ZBTB22: variants seen among roughly 807,000 people sequenced by gnomAD.
ZBTB22 encodes zinc finger and BTB domain containing 22, also known as zinc finger and BTB domain-containing protein 22.
For synonymous variants in ZBTB22, 356 were observed against 347.3 expected (o/e 1.03, Z -0.28); for missense variants, 668 against 834.1 (o/e 0.80, Z 2.45).
rs770285596 is a variant in ZBTB22 at position 33,316,595 on chromosome 6, C to T, written c.322G>A (p.Val108Ile). The change falls in exon 2 of 2, where the codon GTC becomes ATC. Residue 108 changes from valine to isoleucine, a missense_variant. Val to Ile is a conservative substitution (Grantham distance 29). Coordinates refer to ENST00000431845, the MANE Select transcript of ZBTB22 (RefSeq NM_005453.5). The surrounding 1 kb of genome is among the most constrained non-coding windows in gnomAD (Gnocchi z 7.2). ...SVMDPGAFETVLASAYTGRLS... is the reference protein window; with the variant it reads ...SVMDPGAFETILASAYTGRLS... ...CGGCCAGTGTAAGCGGAGGCTAGGA[C>T]AGTCTCAAAGGCGCCTGGGTCCATG... 1.9e-6 allele frequency: 3 copies of T among 1,614,230 alleles called. No individual in the cohort carries two copies. Among genetic ancestry groups the T allele is most frequent in the South Asian group, 1.1e-5 (1 of 91,086 alleles).
In ZBTB22 at chr6:33,315,896, CT is replaced by C. The variant is rs1769832960; in HGVS notation, c.1020del (p.Gly342ValfsTer17). On this transcript the variant is annotated frameshift_variant, in exon 2 of 2. Coordinates refer to ENST00000431845, the MANE Select transcript of ZBTB22 (RefSeq NM_005453.5). LOFTEE classifies it low-confidence loss of function (END_TRUNC). This position sits in a 1 kb window ranked among gnomAD's most constrained non-coding sequence, Gnocchi z 5.4. ...CCCACTGGAACCCTGGAGCTACCCC[CT>C]AGTTCTTCATCTTCATCATCCTCAC... ...LTCEDDEDEELGGSSRVPVGG... is the reference protein window; with the variant it reads ...LTCEDDEDEEXGGSSRVPVGG... The C allele has an allele frequency of 6.2e-7, 1 of 1,613,864 alleles. No homozygotes were observed. Among genetic ancestry groups the C allele is most frequent in the Admixed American group, 1.7e-5 (1 of 59,984 alleles).
In ZBTB22 at chr6:33,314,424, A is replaced by T; in HGVS notation, c.*588T>A. On this transcript the variant is annotated 3_prime_UTR_variant, in exon 2 of 2. Transcript: ENST00000431845. ...GGGTTATCGGGAAGCCAAGTAAATG[A>T]CCAATAAATATTTTAATCACTGTTA... The T allele has an allele frequency of 3.1e-6, 1 of 325,228 alleles. No homozygotes were observed. Among genetic ancestry groups the T allele is most frequent in the Non-Finnish European group, 5.7e-6 (1 of 175,260 alleles). The allele number at this position is 325,228 out of a possible 1,614,324, so 20.1% of individuals were successfully genotyped here.
chr6:33,316,123 C>T lies in ZBTB22; in HGVS notation c.794G>A (p.Cys265Tyr). ...GKLLLEADEL[C>Y]DDGGDGRGAV... ...CCCCCTCCCATCCCCACCATCATCG[C>T]ACAGCTCATCTGCCTCCAGCAGCAG... Residue 265 changes from cysteine (C) to tyrosine (Y), a missense_variant, in exon 2 of 2, where the codon TGC (cysteine) becomes TAC (tyrosine). By Grantham distance (194) the Cys-to-Tyr change is radical (BLOSUM62 -2). Coordinates refer to ENST00000431845, the MANE Select transcript of ZBTB22 (RefSeq NM_005453.5). This position sits in a 1 kb window ranked among gnomAD's most constrained non-coding sequence, Gnocchi z 7.2. 1 of 1,613,590 alleles carries T rather than the reference C, an allele frequency of 6.2e-7. No homozygotes were observed. The highest frequency in any genetic ancestry group is 8.5e-7 in the Non-Finnish European group (1 of 1,180,012).
Position 33,315,315 on chromosome 6 carries a change from C to T in ZBTB22, c.1602G>A (p.Thr534=), listed in dbSNP as rs1039206271. ...ACTCGTAGGGCTTGAGACCTGTGTG[C>T]GTCTTCATGTGCTCAGTCAGATGGT... is the stretch of plus-strand genomic sequence containing the variant. ...MKHHLTEHMK[T]HTGLKPYECG... Residue 534 remains threonine, a synonymous_variant, in exon 2 of 2, where the codon ACG becomes ACA. Transcript: ENST00000431845. The surrounding 1 kb of genome is among the most constrained non-coding windows in gnomAD (Gnocchi z 5.4). 1.2e-6 allele frequency: 2 copies of T among 1,614,136 alleles called. No homozygotes were observed. Among genetic ancestry groups the T allele is most frequent in the African/African-American group, 1.3e-5 (1 of 75,056 alleles).
At position 33,316,101 on chromosome 6, in the gene ZBTB22, C is replaced by T; in HGVS notation, c.816G>A (p.Arg272=). ...GCCCAGCCCCAGGAACCACTGCCCC[C>T]CTCCCATCCCCACCATCATCGCACA... ...DELCDDGGDG[R]GAVVPGAGLR... Residue 272 remains arginine (R), a synonymous_variant, in exon 2 of 2, where the codon AGG becomes AGA. Transcript: ENST00000431845. This position sits in a 1 kb window ranked among gnomAD's most constrained non-coding sequence, Gnocchi z 7.2. 1 of 1,613,362 alleles carries T rather than the reference C, an allele frequency of 6.2e-7. No individual in the cohort carries two copies. Among genetic ancestry groups the T allele is most frequent in the Non-Finnish European group, 8.5e-7 (1 of 1,179,978 alleles).
In ZBTB22 at chr6:33,317,312, G is replaced by T. The variant is rs376076499; in HGVS notation, c.-69-327C>A. Among the ~76,000 whole-genome samples the T allele has an allele frequency of 2.3e-4, 35 of 152,252 alleles. No individual in the cohort carries two copies. The South Asian group carries it at 5.2e-3, about 23-fold the overall frequency. On this transcript the variant is annotated intron_variant, in intron 1 of 1. Coordinates refer to ENST00000431845, the MANE Select transcript of ZBTB22 (RefSeq NM_005453.5). ...TACCCTATTTCCGACTTACCTGAGA[G>T]CCTGACATTCCAAAATCTACCTTTT... is the stretch of plus-strand genomic sequence containing the variant.
rs1315684684 is a variant in ZBTB22, at chr6:33,317,646, C to T, written c.-70+7G>A. The T allele has an allele frequency of 2.2e-5, 3 of 137,314 alleles. No individual in the cohort carries two copies. The highest frequency in any genetic ancestry group is 2.2e-4 in the Admixed American group (3 of 13,940). 8.5% of individuals were successfully genotyped at this position (137,314 alleles called of 1,614,324 possible). A position where few individuals can be genotyped will look rare whatever the true frequency, so the allele number is the denominator to read the frequency against. On this transcript the variant is annotated splice_region_variant and intron_variant, in intron 1 of 1. Transcript: ENST00000431845. Reference sequence around the variant, plus strand: ...GGCGCCCCCCAACCTCGCGCGTCCCCGCTTACCGGGCCGCGCGCCCCCGGG... The same window carrying T: ...GGCGCCCCCCAACCTCGCGCGTCCCTGCTTACCGGGCCGCGCGCCCCCGGG...
At position 33,315,322 on chromosome 6, in the gene ZBTB22, A is replaced by G; in HGVS notation, c.1595T>C (p.Met532Thr). The change falls in exon 2 of 2, where the codon ATG (methionine) becomes ACG (threonine). Residue 532 changes from methionine to threonine, a missense_variant. Transcript: ENST00000431845. The surrounding 1 kb of genome is among the most constrained non-coding windows in gnomAD (Gnocchi z 5.4). ...FKMKHHLTEHMKTHTGLKPYE... is the reference protein window; with the variant it reads ...FKMKHHLTEHTKTHTGLKPYE... ...GGGCTTGAGACCTGTGTGCGTCTTCATGTGCTCAGTCAGATGGTGCTTCAT... is the reference window on the plus strand; with the variant it reads ...GGGCTTGAGACCTGTGTGCGTCTTCGTGTGCTCAGTCAGATGGTGCTTCAT... 1 of 1,614,130 alleles carries G rather than the reference A, an allele frequency of 6.2e-7. No individual in the cohort carries two copies. Among genetic ancestry groups the G allele is most frequent in the Non-Finnish European group, 8.5e-7 (1 of 1,180,032 alleles).
In ZBTB22 at chr6:33,315,156, C is replaced by G; in HGVS notation, c.1761G>C (p.Pro587=). 6.2e-7 allele frequency: 1 copy of G among 1,613,252 alleles called. No individual in the cohort carries two copies. The highest frequency in any genetic ancestry group is 8.5e-7 in the Non-Finnish European group (1 of 1,179,488). The change falls in exon 2 of 2, where the codon CCG becomes CCC. Residue 587 remains proline (P), a synonymous_variant. Coordinates refer to ENST00000431845, the MANE Select transcript of ZBTB22 (RefSeq NM_005453.5). The surrounding 1 kb of genome is among the most constrained non-coding windows in gnomAD (Gnocchi z 5.4). ...GPGTPTGPSL[P]SKRESPGVGG... is the part of the protein sequence containing the mutation. ...CCACTCCGGGAGACTCTCTCTTGGACGGCAAGGATGGCCCCGTGGGAGTCC... is the reference window on the plus strand; with the variant it reads ...CCACTCCGGGAGACTCTCTCTTGGAGGGCAAGGATGGCCCCGTGGGAGTCC...
rs368190991 is a variant in ZBTB22 at position 33,316,755 on chromosome 6, G to A, written c.162C>T (p.Gly54=). Residue 54 remains glycine (G), a synonymous_variant, in exon 2 of 2, where the codon GGC becomes GGT. Coordinates refer to ENST00000431845, the MANE Select transcript of ZBTB22 (RefSeq NM_005453.5). This position sits in a 1 kb window ranked among gnomAD's most constrained non-coding sequence, Gnocchi z 7.2. The part of the protein sequence containing the change: ...LESLNQQRLQ[G]QLCDVSIRVQ... ...CTCTGATAGATACATCGCAGAGCTG[G>A]CCCTGCAGACGCTGCTGATTGAGGG... is the stretch of plus-strand genomic sequence containing the variant. The A allele has an allele frequency of 1.9e-5, 31 of 1,614,060 alleles. No individual in the cohort carries two copies. In the African/African-American group the frequency reaches 3.2e-4, roughly 17 times the overall value.
rs1028862790 is a variant in ZBTB22 at position 33,316,934 on chromosome 6, T to G, written c.-18A>C. On this transcript the variant is annotated 5_prime_UTR_variant, in exon 2 of 2. Coordinates refer to ENST00000431845, the MANE Select transcript of ZBTB22 (RefSeq NM_005453.5). The surrounding 1 kb of genome is among the most constrained non-coding windows in gnomAD (Gnocchi z 7.2). The stretch of plus-strand genomic sequence containing the variant: ...GGCTCCATGTTGTGGAGGGAGGGGA[T>G]ACCCCCCCAGCCACAGGAACAAAGA... The G allele has an allele frequency of 2.6e-6, 4 of 1,550,332 alleles. No individual in the cohort carries two copies. Among genetic ancestry groups the G allele is most frequent in the Non-Finnish European group, 2.6e-6 (3 of 1,149,522 alleles).
At position 33,315,552 on chromosome 6, in the gene ZBTB22, G is replaced by A. The variant is rs772552235; in HGVS notation, c.1365C>T (p.Thr455=). ...GGCTCCCCACCGACGTGCCCCCCACGGTCACTGCCCCGTGTTCTGCTTGGT... is the reference window on the plus strand; with the variant it reads ...GGCTCCCCACCGACGTGCCCCCCACAGTCACTGCCCCGTGTTCTGCTTGGT... ...PGNQAEHGAV[T]VGGTSVGSLG... Residue 455 remains threonine, a synonymous_variant, in exon 2 of 2, where the codon ACC becomes ACT. Transcript: ENST00000431845. This position sits in a 1 kb window ranked among gnomAD's most constrained non-coding sequence, Gnocchi z 5.4. The A allele has an allele frequency of 5.6e-6, 9 of 1,613,934 alleles. No individual in the cohort carries two copies. Among genetic ancestry groups the A allele is most frequent in the East Asian group, 2.2e-5 (1 of 44,870 alleles).
chr6:33,316,539 G>C lies in ZBTB22; in HGVS notation c.378C>G (p.Asn126Lys). 1.9e-6 allele frequency: 3 copies of C among 1,614,246 alleles called. No individual in the cohort carries two copies. Among genetic ancestry groups the C allele is most frequent in the Non-Finnish European group, 2.5e-6 (3 of 1,180,052 alleles). ...RLSMAAADIV[N>K]FLTVGSVLQM... ...GGAGCACAGACCCCACTGTAAGGAA[G>C]TTGACAATGTCAGCAGCAGCCATGC... Residue 126 changes from asparagine (N) to lysine (K), a missense_variant, in exon 2 of 2, where the codon AAC becomes AAG. Asn to Lys is a moderately conservative substitution (Grantham distance 94). Transcript: ENST00000431845. The surrounding 1 kb of genome is among the most constrained non-coding windows in gnomAD (Gnocchi z 7.2).
At position 33,315,221 on chromosome 6, in the gene ZBTB22, G is replaced by A. The variant is rs777022881; in HGVS notation, c.1696C>T (p.Arg566Trp). 1 of 1,612,968 alleles carries A rather than the reference G, an allele frequency of 6.2e-7. No individual in the cohort carries two copies. The highest frequency in any genetic ancestry group is 2.2e-5 in the East Asian group (1 of 44,886). The stretch of plus-strand genomic sequence containing the variant: ...GCCCCGACCCCGCCCAGGCGGTGCC[G>A]GCGCTCACAGTGTCCTCGGTGGCGC... ...FMRHRGHCER[R>W]HRLGGVGAVP... The change falls in exon 2 of 2, where the codon CGG becomes TGG. Residue 566 changes from arginine to tryptophan, a missense_variant. Arg to Trp is a moderately radical substitution (Grantham distance 101). Transcript: ENST00000431845. The surrounding 1 kb of genome is among the most constrained non-coding windows in gnomAD (Gnocchi z 5.4).
Position 33,316,386 on chromosome 6 carries a change from A to G in ZBTB22, c.531T>C (p.Ser177=). 1 of 1,613,740 alleles carries G rather than the reference A, an allele frequency of 6.2e-7. No homozygotes were observed. Among genetic ancestry groups the G allele is most frequent in the South Asian group, 1.1e-5 (1 of 91,070 alleles). ...TGGTAGCAGGGGCCACAGTGCCCCC[A>G]CTCCCGGATGGCACCCCAGCACCAG... is the stretch of plus-strand genomic sequence containing the variant. ...TVPGAGVPSG[S]GGTVAPATMG... is the part of the protein sequence containing the mutation. The change falls in exon 2 of 2, where the codon AGT becomes AGC. Residue 177 remains serine (S), a synonymous_variant. Transcript: ENST00000431845. The surrounding 1 kb of genome is among the most constrained non-coding windows in gnomAD (Gnocchi z 7.2).
In ZBTB22 at chr6:33,315,389, G is replaced by T; in HGVS notation, c.1528C>A (p.Leu510Met). 1 of 1,614,238 alleles carries T rather than the reference G, an allele frequency of 6.2e-7. No homozygotes were observed. Among genetic ancestry groups the T allele is most frequent in the Admixed American group, 1.7e-5 (1 of 60,032 alleles). ...CACACGGGGCAGTCAAACGGCCGCA[G>T]ATTGAGGTGCATGTTCACGTGCCGG... ...RDRHVNMHLN[L>M]RPFDCPVCNK... Residue 510 changes from leucine (L) to methionine (M), a missense_variant, in exon 2 of 2, where the codon CTG becomes ATG. Coordinates refer to ENST00000431845, the MANE Select transcript of ZBTB22 (RefSeq NM_005453.5). The surrounding 1 kb of genome is among the most constrained non-coding windows in gnomAD (Gnocchi z 5.4).
At position 33,315,694 on chromosome 6, in the gene ZBTB22, G is replaced by T. The variant is rs780120830; in HGVS notation, c.1223C>A (p.Ala408Asp). ...DSGGPTPSSY[A>D]PSHPPRPLLP... The stretch of plus-strand genomic sequence containing the variant: ...GAGCGGTCGAGGAGGGTGGGAGGGG[G>T]CATAGGAAGAGGGAGTTGGCCCCCC... Residue 408 changes from alanine to aspartate, a missense_variant, in exon 2 of 2, where the codon GCC becomes GAC. Physicochemically the swap from Ala to Asp is moderately radical, Grantham distance 126 (BLOSUM62 -2). Coordinates refer to ENST00000431845, the MANE Select transcript of ZBTB22 (RefSeq NM_005453.5). The surrounding 1 kb of genome is among the most constrained non-coding windows in gnomAD (Gnocchi z 5.4). 4.3e-6 allele frequency: 7 copies of T among 1,613,272 alleles called. No homozygotes were observed. In the African/African-American group the frequency reaches 8.0e-5, roughly 18 times the overall value.
chr6:33,317,009 T>A, intron 1 of ZBTB22, 24 bp from the exon 2 acceptor site: 2 of 1,402,970 alleles, frequency 1.4e-6, no homozygotes, highest in Non-Finnish European at 1.9e-6. Context: ...GAGAAAAGAA[T>A]AATGATAACA....
At position 33,315,195 on chromosome 6, in the gene ZBTB22, G is replaced by A. The variant is rs773239623; in HGVS notation, c.1722C>T (p.Ala574=). The A allele has an allele frequency of 3.1e-6, 5 of 1,612,294 alleles. No individual in the cohort carries two copies. In the East Asian group the frequency reaches 1.1e-4, roughly 36 times the overall value. ...ERRHRLGGVG[A]VPGPGTPTGP... ...CCGTGGGAGTCCCAGGCCCAGGTACGGCCCCGACCCCGCCCAGGCGGTGCC... is the reference window on the plus strand; with the variant it reads ...CCGTGGGAGTCCCAGGCCCAGGTACAGCCCCGACCCCGCCCAGGCGGTGCC... The change falls in exon 2 of 2, where the codon GCC becomes GCT. Residue 574 remains alanine (A), a synonymous_variant. Transcript: ENST00000431845. The surrounding 1 kb of genome is among the most constrained non-coding windows in gnomAD (Gnocchi z 5.4).
Sources: gnomAD v4.1 joint callset for allele counts (sites outside exome capture counted in the v4.1 genomes callset) on GRCh38, gnomAD v4.1.1 for gene constraint, Gnocchi (gnomAD v3.1) non-coding constraint, MANE v1.5 for transcripts, NCBI Gene and HGNC (gene_info 2026-07-23, HGNC 2026-07-21) for gene names.